The following LEKR1 variants were observed in gnomAD, a reference collection of about 807,000 sequenced individuals.
LEKR1 encodes leucine, glutamate and lysine rich 1, also known as protein LEKR1.
Under a neutral mutation model 72.4 loss-of-function variants are expected in LEKR1, and 59 were observed. That is an observed-to-expected ratio of 0.82 (90% CI 0.66 to 1.01). The LOEUF is 1.01. Among genes scored for constraint, LEKR1 ranks in the 50% least tolerant of loss-of-function variants. LEKR1 has a pLI of 0.00. For synonymous variants in LEKR1, 257 were observed against 263.2 expected, an observed-to-expected ratio of 0.98 and a Z score of 0.23; for missense variants, 728 against 759.2, an observed-to-expected ratio of 0.96 and a Z score of 0.48.
At chr3:156,865,836 ACTT>A (rs1239895100) in intron 3 of LEKR1, among the ~76,000 whole-genome samples, 2 of 151,828 alleles carry the variant, frequency 1.3e-5, no homozygotes, top group African/African-American at 4.8e-5. Flanking sequence ...GAGATTATCT[ACTT>A]CTTTTTGCTA....
intron 6 of LEKR1, among the ~76,000 whole-genome samples, chr3:156,957,609 A>T (rs1727764070): frequency 6.6e-6 from 1 of 151,820 alleles, no homozygotes; most frequent in African/African-American, 2.4e-5. Context: ...TTTTACCTTT[A>T]TTAAGTCCAG....
Position 156,836,834 on chromosome 3 carries a change from A to G in LEKR1, c.48+7457A>G, listed in dbSNP as rs546741456. Among the ~76,000 whole-genome samples the G allele has an allele frequency of 1.9e-3, 288 of 152,316 alleles. 3 individuals carry two copies. Among genetic ancestry groups the G allele is most frequent in the African/African-American group, 6.7e-3 (277 of 41,558 alleles). ...AAAAGTCCCACAAGTATCCAACCAG[A>G]AAGGACTCATTCCCAAAGCCAGCAA... is the stretch of plus-strand genomic sequence containing the variant. On this transcript the variant is annotated intron_variant, in intron 2 of 12. Transcript: ENST00000356539.
At chr3:156,883,866 T>A (rs2321291) in intron 3 of LEKR1, among the ~76,000 whole-genome samples, 3 of 152,066 alleles carry the variant, frequency 2.0e-5, no homozygotes, top group Non-Finnish European at 2.9e-5. Context: ...TTCCAATGCT[T>A]TTAGTGGAGT....
At chr3:156,955,030 C>G (rs1309148070) in intron 6 of LEKR1, among the ~76,000 whole-genome samples, 2 of 151,912 alleles carry the variant, frequency 1.3e-5, no homozygotes, top group East Asian at 3.9e-4. Context: ...CTCTGATTTC[C>G]TTGAGCAGTC....
chr3:157,006,066 C>G (rs903715207), intron 9 of LEKR1, among the ~76,000 whole-genome samples: 2 of 150,428 alleles, frequency 1.3e-5, no homozygotes, highest in South Asian at 4.2e-4. Context: ...ACTGCAGTGG[C>G]GCAATCTCGG....
intron 6 of LEKR1, among the ~76,000 whole-genome samples, chr3:156,978,140 GT>G (rs1052797496): frequency 6.6e-6 from 1 of 152,150 alleles, no homozygotes; most frequent in Non-Finnish European, 1.5e-5. Flanking sequence ...ATTAATGTAT[GT>G]AAAAGCACTG....
At chr3:156,855,347 A>T (rs1477332706) in intron 3 of LEKR1, among the ~76,000 whole-genome samples, 1 of 152,162 alleles carries the variant, frequency 6.6e-6, no homozygotes, top group Admixed American at 6.5e-5. Flanking sequence ...TTGAGTGAAA[A>T]ATGTTACCTC....
intron 9 of LEKR1, among the ~76,000 whole-genome samples, chr3:157,007,569 T>C (rs962170898): frequency 1.3e-5 from 2 of 152,216 alleles, no homozygotes; most frequent in Non-Finnish European, 2.9e-5. Flanking sequence ...TATCCACACC[T>C]GATTGCTATG....
At chr3:156,984,665 A>C (rs989396296) in intron 7 of LEKR1, among the ~76,000 whole-genome samples, 1 of 152,158 alleles carries the variant, frequency 6.6e-6, no homozygotes, top group African/African-American at 2.4e-5. Flanking sequence ...TGACAGAGCG[A>C]GACTCGGTCT....
chr3:156,899,523 CATATAT>C lies in LEKR1; in HGVS notation c.264-21050_264-21045del, dbSNP rs1560064156. Among the ~76,000 whole-genome samples, 242 of 129,254 alleles carry C rather than the reference CATATAT, an allele frequency of 1.9e-3. 1 individual carries two copies. Among genetic ancestry groups the C allele is most frequent in the Non-Finnish European group, 3.3e-3 (202 of 61,022 alleles). 84.8% of individuals were successfully genotyped at this position (129,254 alleles called of 152,430 possible). A position where few individuals can be genotyped will look rare whatever the true frequency, so the allele number is the denominator to read the frequency against. Reference sequence around the variant, plus strand: ...ATATACATGTATATATACATACATACATATATACACATATATACATATATACACATA... The same window carrying C: ...ATATACATGTATATATACATACATACACACATATATACATATATACACATA... On this transcript the variant is annotated intron_variant, in intron 3 of 12. Transcript: ENST00000356539.
chr3:157,018,605 T>TG (rs1273905389), intron 10 of LEKR1, among the ~76,000 whole-genome samples: 1 of 151,002 alleles, frequency 6.6e-6, no homozygotes, highest in Non-Finnish European at 1.5e-5. Context: ...GATGTAGGGG[T>TG]TGGGGGGACA....
At chr3:156,928,738 A>G (rs1724952064) in intron 5 of LEKR1, among the ~76,000 whole-genome samples, 1 of 152,110 alleles carries the variant, frequency 6.6e-6, no homozygotes, top group Admixed American at 6.6e-5. Flanking sequence ...CATGTGCTCA[A>G]TGAAGATGCT....
chr3:156,971,862 G>A (rs1283214140), intron 6 of LEKR1, among the ~76,000 whole-genome samples: 8 of 152,184 alleles, frequency 5.3e-5, no homozygotes, highest in Non-Finnish European at 8.8e-5. Context: ...AGAGGATGTA[G>A]AGAAATAGCA....
chr3:156,919,948 C>T (rs983016680), intron 3 of LEKR1, among the ~76,000 whole-genome samples: 15 of 151,984 alleles, frequency 9.9e-5, no homozygotes, highest in African/African-American at 3.6e-4. Context: ...GACTTCTTAC[C>T]GAAAGCCACA....
At chr3:156,982,854 T>G (rs1347667463) in intron 7 of LEKR1, among the ~76,000 whole-genome samples, 5 of 123,804 alleles carry the variant, frequency 4.0e-5, no homozygotes, top group African/African-American at 1.5e-4. Context: ...TGTGTGTGTG[T>G]GTAGATAGAT....
At chr3:156,881,387 A>C (rs1719320739) in intron 3 of LEKR1, among the ~76,000 whole-genome samples, 2 of 152,002 alleles carry the variant, frequency 1.3e-5, no homozygotes, top group African/African-American at 4.8e-5. Flanking sequence ...TCATGAGTGA[A>C]CTCCCATTCA....
At chr3:156,903,680 G>A in intron 3 of LEKR1, among the ~76,000 whole-genome samples, 1 of 152,168 alleles carries the variant, frequency 6.6e-6, no homozygotes, top group Non-Finnish European at 1.5e-5. Context: ...TTTCATCTCT[G>A]CTTCTCTAGA....
intron 6 of LEKR1, among the ~76,000 whole-genome samples, chr3:156,951,698 T>C (rs1266904700): frequency 6.6e-6 from 1 of 151,616 alleles, no homozygotes; most frequent in African/African-American, 2.4e-5. Context: ...ATGGGGTTAG[T>C]GGTAACATTT....
chr3:156,904,668 A>C (rs1041455183), intron 3 of LEKR1, among the ~76,000 whole-genome samples: 1 of 150,622 alleles, frequency 6.6e-6, no homozygotes, highest in African/African-American at 2.4e-5. Flanking sequence ...ATATATATAT[A>C]TATATATATT....
Sources: gnomAD v4.1 joint callset for allele counts (sites outside exome capture counted in the v4.1 genomes callset) on GRCh38, gnomAD v4.1.1 for gene constraint, MANE v1.5 for transcripts, NCBI Gene and HGNC (gene_info 2026-07-23, HGNC 2026-07-21) for gene names.